Variants in PRELID2 observed in about 807,000 individuals in gnomAD.
The protein encoded by PRELID2 is PRELI domain-containing protein 2.
Under a neutral mutation model 28.4 loss-of-function variants are expected in PRELID2, and 25 were observed. The ratio of observed to expected loss-of-function variants is 0.88; its 90% CI spans 0.64 to 1.23. The LOEUF is 1.23. PRELID2 is among the 50% of genes most tolerant of loss of function. PRELID2 has a pLI of 0.00. For synonymous variants in PRELID2, 76 were observed against 71.6 expected, an observed-to-expected ratio of 1.06 and a Z score of -0.31; for missense variants, 201 against 214.4, an observed-to-expected ratio of 0.94 and a Z score of 0.39.
At chr5:145,697,528 T>A (rs961781184) in intron 1 of PRELID2, among the ~76,000 whole-genome samples, 4 of 152,208 alleles carry the variant, frequency 2.6e-5, no homozygotes, top group African/African-American at 9.6e-5. Flanking sequence ...AGCATTTCTC[T>A]ACGCCATGTT....
intron 1 of PRELID2, among the ~76,000 whole-genome samples, chr5:145,669,397 A>G (rs2149682117): frequency 6.6e-6 from 1 of 152,204 alleles, no homozygotes; most frequent in South Asian, 2.1e-4. Context: ...CTGTTCAGAT[A>G]AACCAGGGGT....
At chr5:145,572,383 A>C (rs1359608181) in intron 1 of PRELID2, among the ~76,000 whole-genome samples, 4 of 152,174 alleles carry the variant, frequency 2.6e-5, no homozygotes, top group Middle Eastern at 3.2e-3. Context: ...CTCAGAATAA[A>C]TCCCTTAAAA....
intron 1 of PRELID2, among the ~76,000 whole-genome samples, chr5:145,505,805 A>C (rs1752405780): frequency 6.6e-6 from 1 of 152,236 alleles, no homozygotes; most frequent in Non-Finnish European, 1.5e-5. Flanking sequence ...ATCCAATGGA[A>C]TATTATTCAG....
At chr5:145,599,578 C>A (rs1753360814) in intron 1 of PRELID2, among the ~76,000 whole-genome samples, 1 of 152,130 alleles carries the variant, frequency 6.6e-6, no homozygotes, top group African/African-American at 2.4e-5. Context: ...GCTCGAGATA[C>A]TTGAATGCAT....
At chr5:145,503,250 G>T (rs989549338) in intron 1 of PRELID2, among the ~76,000 whole-genome samples, 1 of 152,188 alleles carries the variant, frequency 6.6e-6, no homozygotes, top group Admixed American at 6.5e-5. Flanking sequence ...CAAAGTTCAT[G>T]AGCTATTCTA....
At chr5:145,719,012 G>T (rs756714733) in intron 1 of PRELID2, among the ~76,000 whole-genome samples, 56 of 151,992 alleles carry the variant, frequency 3.7e-4, no homozygotes, top group Non-Finnish European at 7.5e-4. Context: ...AAAGAGTTCT[G>T]CTTTCTGGGT....
the PRELID2 span, among the ~76,000 whole-genome samples, chr5:145,417,067 G>T: frequency 1.1e-4 from 17 of 151,906 alleles, no homozygotes; most frequent in African/African-American, 3.9e-4. Context: ...AAATGATAAG[G>T]GAGATATCAC....
the PRELID2 span, among the ~76,000 whole-genome samples, chr5:145,419,531 T>G: frequency 7.7e-6 from 1 of 130,264 alleles, no homozygotes; most frequent in Admixed American, 8.0e-5. Context: ...ATGTCTTCTT[T>G]TGAGAAGTGT....
the PRELID2 span, among the ~76,000 whole-genome samples, chr5:145,419,581 G>GT: frequency 1.0e-4 from 15 of 144,166 alleles, no homozygotes; most frequent in East Asian, 4.1e-4. Flanking sequence ...GGGGTTGTTT[G>GT]TTTTTTTCTT....
At chr5:145,681,081 C>G (rs1299104488) in intron 1 of PRELID2, among the ~76,000 whole-genome samples, 1 of 152,190 alleles carries the variant, frequency 6.6e-6, no homozygotes, top group African/African-American at 2.4e-5. Flanking sequence ...GGCCTCTTCA[C>G]TCCGGTACTG....
At chr5:145,522,785 A>T (rs1752574470) in intron 1 of PRELID2, among the ~76,000 whole-genome samples, 1 of 151,872 alleles carries the variant, frequency 6.6e-6, no homozygotes, top group Non-Finnish European at 1.5e-5. Context: ...GAGGAAGAGA[A>T]GGAAGAAGAG....
chr5:145,834,421 T>C (rs1329328427), intron 1 of PRELID2, among the ~76,000 whole-genome samples: 1 of 152,182 alleles, frequency 6.6e-6, no homozygotes, highest in Non-Finnish European at 1.5e-5. Flanking sequence ...ATCAATAGTT[T>C]ATGTTATTTT....
chr5:145,474,806 C>G (rs1162664845), intron 1 of PRELID2, among the ~76,000 whole-genome samples: 1 of 152,104 alleles, frequency 6.6e-6, no homozygotes, highest in East Asian at 1.9e-4. Context: ...TCATCTTGTA[C>G]TCTATCTGTG....
At chr5:145,435,150 G>A in the PRELID2 span, among the ~76,000 whole-genome samples, 10 of 152,286 alleles carry the variant, frequency 6.6e-5, no homozygotes, top group Admixed American at 4.6e-4. Flanking sequence ...CCTTGTAGAG[G>A]AAGATAGGCA....
chr5:145,422,402 T>C, the PRELID2 span, among the ~76,000 whole-genome samples: 1 of 152,220 alleles, frequency 6.6e-6, no homozygotes, highest in Admixed American at 6.5e-5. Flanking sequence ...ACTTGCTTTG[T>C]GAATCTTGGT....
intron 5 of PRELID2, among the ~76,000 whole-genome samples, chr5:145,778,272 C>A (rs1445163473): frequency 6.6e-6 from 1 of 152,084 alleles, no homozygotes; most frequent in African/African-American, 2.4e-5. Flanking sequence ...GGGGAGCAAC[C>A]CACTCCAGAG....
the PRELID2 span, among the ~76,000 whole-genome samples, chr5:145,366,435 CAT>C: frequency 6.6e-6 from 1 of 151,694 alleles, no homozygotes; most frequent in Non-Finnish European, 1.5e-5. Flanking sequence ...ATTTGGCAAA[CAT>C]GTGATTTGTC....
intron 1 of PRELID2, among the ~76,000 whole-genome samples, chr5:145,736,495 T>A (rs1756500409): frequency 6.6e-6 from 1 of 152,202 alleles, no homozygotes; most frequent in African/African-American, 2.4e-5. Context: ...AAATTAGTCA[T>A]AATGAGTAGA....
the PRELID2 span, among the ~76,000 whole-genome samples, chr5:145,461,113 T>C: frequency 2.6e-4 from 39 of 152,300 alleles, no homozygotes; most frequent in Admixed American, 1.4e-3. Context: ...AAGGAAAGAA[T>C]TGCTGTGAAG....
Sources: gnomAD v4.1 joint callset for allele counts (sites outside exome capture counted in the v4.1 genomes callset) on GRCh38, gnomAD v4.1.1 for gene constraint, MANE v1.5 for transcripts, NCBI Gene and HGNC (gene_info 2026-07-23, HGNC 2026-07-21) for gene names.